Variants in PRKG1 observed in about 807,000 individuals in gnomAD.
PRKG1 encodes cGMP-dependent protein kinase 1.
Under a neutral mutation model 88.1 loss-of-function variants are expected in PRKG1, and 35 were observed. That is an observed-to-expected ratio of 0.40 (90% CI 0.30 to 0.53). The LOEUF (loss-of-function observed/expected upper bound fraction) is 0.53, where lower values mean the gene tolerates loss of function less well. Among genes scored for constraint, PRKG1 ranks in the 20% least tolerant of loss-of-function variants. PRKG1 has a pLI of 0.59. For synonymous variants in PRKG1, 303 were observed against 292.5 expected, an observed-to-expected ratio of 1.04 and a Z score of -0.37; for missense variants, 540 against 839.8, an observed-to-expected ratio of 0.64 and a Z score of 4.41.
intron 2 of PRKG1, among the ~76,000 whole-genome samples, chr10:51,303,064 G>A (rs936214905): frequency 6.6e-6 from 1 of 152,100 alleles, no homozygotes; most frequent in Admixed American, 6.5e-5. Context: ...ACCGGGTTAA[G>A]ATTGGTTTGA....
intron 3 of PRKG1, among the ~76,000 whole-genome samples, chr10:51,623,361 T>C (rs1009588274): frequency 6.6e-6 from 1 of 152,180 alleles, no homozygotes; most frequent in African/African-American, 2.4e-5. Flanking sequence ...CCGCCATGAC[T>C]GGCTAATTTT....
chr10:51,237,520 C>T (rs1224200080), intron 2 of PRKG1, among the ~76,000 whole-genome samples: 1 of 152,100 alleles, frequency 6.6e-6, no homozygotes, highest in Non-Finnish European at 1.5e-5. Flanking sequence ...GAGTATGGAG[C>T]TCACTCCCAA....
upstream of PRKG1, among the ~76,000 whole-genome samples, chr10:51,073,799 G>T (rs1037231642): frequency 3.3e-5 from 5 of 152,124 alleles, no homozygotes; most frequent in Admixed American, 6.5e-5. Context: ...CGACTCGCTC[G>T]CATCTCCTGA....
chr10:51,171,708 T>G lies in PRKG1; in HGVS notation c.478+18378T>G, dbSNP rs888313103. 2.0e-5 allele frequency among the ~76,000 whole-genome samples: 3 copies of G among 152,238 alleles called. No homozygotes were observed. The South Asian group carries it at 6.2e-4, about 32-fold the overall frequency. ...AAAAAATTTGTGGGGATTTCTTTAT[T>G]GAAATGAAGGACAGAATAGATTCTA... is the stretch of plus-strand genomic sequence containing the variant. On this transcript the variant is annotated intron_variant, in intron 2 of 17. Coordinates refer to ENST00000373980, the MANE Select transcript of PRKG1 (RefSeq NM_006258.4).
chr10:51,837,342 T>G (rs952107134), intron 4 of PRKG1, among the ~76,000 whole-genome samples: 1 of 152,166 alleles, frequency 6.6e-6, no homozygotes, highest in African/African-American at 2.4e-5. Flanking sequence ...AATAGCATAC[T>G]TTATTGGGCA....
chr10:51,079,706 T>C (rs1228313772), intron 1 of PRKG1, among the ~76,000 whole-genome samples: 4 of 151,728 alleles, frequency 2.6e-5, no homozygotes, highest in Admixed American at 2.6e-4. Context: ...TGTGTGTGTT[T>C]TACACCAAGG....
At chr10:51,774,378 A>G (rs1481439621) in intron 3 of PRKG1, among the ~76,000 whole-genome samples, 1 of 152,088 alleles carries the variant, frequency 6.6e-6, no homozygotes, top group Admixed American at 6.6e-5. Flanking sequence ...CCCTTATACT[A>G]TATTCTCATC....
rs538270125 is a variant in PRKG1 at position 51,339,872 on chromosome 10, G to T, written c.479-127851G>T. Among the ~76,000 whole-genome samples the T allele has an allele frequency of 2.0e-5, 3 of 152,004 alleles. No homozygotes were observed. The South Asian group carries it at 6.2e-4, about 32-fold the overall frequency. ...AAAAAACTCTGTAAATATTTTTGCT[G>T]CTTAATCTCTGGTCATCTCTGATTA... On this transcript the variant is annotated intron_variant, in intron 2 of 17. Coordinates refer to ENST00000373980, the MANE Select transcript of PRKG1 (RefSeq NM_006258.4).
intron 3 of PRKG1, among the ~76,000 whole-genome samples, chr10:51,607,985 A>G (rs754858172): frequency 1.2e-4 from 18 of 152,228 alleles, no homozygotes; most frequent in Non-Finnish European, 1.5e-5. Context: ...CTCAATTAAT[A>G]CATAAATTCA....
chr10:51,416,259 T>C (rs1406293244), intron 2 of PRKG1, among the ~76,000 whole-genome samples: 1 of 152,184 alleles, frequency 6.6e-6, no homozygotes, highest in Non-Finnish European at 1.5e-5. Context: ...CATTTTATCA[T>C]GGTGAAAATT....
At chr10:51,358,944 G>A (rs541825609) in intron 2 of PRKG1, among the ~76,000 whole-genome samples, 1 of 147,648 alleles carries the variant, frequency 6.8e-6, no homozygotes, top group Non-Finnish European at 1.5e-5. Flanking sequence ...TGGGGGGGGG[G>A]GTGTGGATTT....
chr10:51,612,900 T>A (rs527807983), intron 3 of PRKG1, among the ~76,000 whole-genome samples: 1 of 152,224 alleles, frequency 6.6e-6, no homozygotes, highest in Admixed American at 6.5e-5. Flanking sequence ...TCCTTCATTC[T>A]GTTGATATAA....
rs543995634 is a variant in PRKG1 at position 51,992,381 on chromosome 10, T to A, written c.763-62103T>A. Among the ~76,000 whole-genome samples, 715 of 150,920 alleles carry A rather than the reference T, an allele frequency of 4.7e-3. 5 individuals are homozygous for A. Among genetic ancestry groups the A allele is most frequent in the African/African-American group, 0.016 (646 of 41,184 alleles). Reference sequence around the variant, plus strand: ...TCTTTAACAGTTTTCATTTCCTTTTTAAAAAAAAAATCTTTAATGTATTGT... The same window carrying A: ...TCTTTAACAGTTTTCATTTCCTTTTAAAAAAAAAAATCTTTAATGTATTGT... On this transcript the variant is annotated intron_variant, in intron 5 of 17. Transcript: ENST00000373980.
intron 3 of PRKG1, among the ~76,000 whole-genome samples, chr10:51,671,808 G>C (rs1051528374): frequency 6.6e-6 from 1 of 152,032 alleles, no homozygotes; most frequent in Admixed American, 6.6e-5. Flanking sequence ...GGATGGTCTT[G>C]ATCTCCTGAC....
chr10:51,586,511 C>A (rs1169994778), intron 3 of PRKG1, among the ~76,000 whole-genome samples: 1 of 152,078 alleles, frequency 6.6e-6, no homozygotes, highest in Non-Finnish European at 1.5e-5. Context: ...GCATTTCCTG[C>A]AATGATAGAA....
chr10:52,101,561 A>G (rs528969524), intron 7 of PRKG1, among the ~76,000 whole-genome samples: 2 of 152,344 alleles, frequency 1.3e-5, no homozygotes, highest in African/African-American at 4.8e-5. Flanking sequence ...ATAGTAATAT[A>G]GTAATCAACA....
intron 8 of PRKG1, among the ~76,000 whole-genome samples, chr10:52,146,315 C>T (rs1837726457): frequency 6.6e-6 from 1 of 152,054 alleles, no homozygotes; most frequent in Admixed American, 6.6e-5. Context: ...AATTTCGTGT[C>T]CTTAAATAGT....
rs112576276 is a variant in PRKG1 at position 52,173,475 on chromosome 10, G to A, written c.1076+11512G>A. Among the ~76,000 whole-genome samples the A allele has an allele frequency of 5.0e-3, 766 of 152,238 alleles. 8 individuals carry two copies. Among genetic ancestry groups the A allele is most frequent in the African/African-American group, 0.018 (731 of 41,544 alleles). On this transcript the variant is annotated intron_variant, in intron 9 of 17. Transcript: ENST00000373980. ...GAATCCTTTTAGAAAGAAGTGATTT[G>A]TAAATAATGGATTTAAATGGTAGCA...
chr10:52,014,507 C>A (rs1344386336), intron 5 of PRKG1, among the ~76,000 whole-genome samples: 2 of 152,190 alleles, frequency 1.3e-5, no homozygotes, highest in Non-Finnish European at 2.9e-5. Context: ...TGGGTGGGGA[C>A]ACAGAGCCAA....
Sources: allele counts gnomAD v4.1 joint callset (sites outside exome capture counted in the v4.1 genomes callset), GRCh38; gene constraint gnomAD v4.1.1; transcripts MANE v1.5; gene names NCBI Gene and HGNC (gene_info 2026-07-23, HGNC 2026-07-21).